The following MGAT5 variants were observed in gnomAD, a reference collection of about 807,000 sequenced individuals.
The protein encoded by MGAT5 is alpha-1,6-mannosylglycoprotein 6-beta-N-acetylglucosaminyltransferase.
A neutral mutation model predicts 94.3 loss-of-function variants in MGAT5; 30 were observed. That is an observed-to-expected ratio of 0.32 (90% CI 0.24 to 0.43). The LOEUF (loss-of-function observed/expected upper bound fraction) is 0.43, where lower values mean the gene tolerates loss of function less well. Among genes scored for constraint, MGAT5 ranks in the 20% least tolerant of loss-of-function variants. MGAT5 has a pLI of 1.00. For missense variants in MGAT5, 691 were observed against 905.5 expected (o/e 0.76, Z 3.04); for synonymous variants, 310 against 322.9 (o/e 0.96, Z 0.43).
At chr2:134,148,759 GTTT>G (rs748584511) in intron 1 of MGAT5, among the ~76,000 whole-genome samples, 1 of 118,714 alleles carries the variant, frequency 8.4e-6, no homozygotes, top group Non-Finnish European at 1.7e-5. Context: ...TCTTTCTTAG[GTTT>G]TTTTTTTTTT....
chr2:134,221,795 C>T (rs1000181344), intron 1 of MGAT5, among the ~76,000 whole-genome samples: 8 of 151,990 alleles, frequency 5.3e-5, no homozygotes, highest in South Asian at 2.1e-4. Context: ...AAGGTGGGCA[C>T]GTAAGATTGT....
chr2:134,245,473 T>C (rs1214212762), intron 1 of MGAT5, among the ~76,000 whole-genome samples: 1 of 152,242 alleles, frequency 6.6e-6, no homozygotes. Flanking sequence ...TCTTTCCCTT[T>C]TGTCCACCTG....
At chr2:134,280,496 A>G (rs1220748366) in intron 2 of MGAT5, among the ~76,000 whole-genome samples, 1 of 152,162 alleles carries the variant, frequency 6.6e-6, no homozygotes, top group African/African-American at 2.4e-5. Context: ...GGACAGCTGC[A>G]CTCTTAGCTG....
chr2:134,387,768 C>G (rs1040752767), intron 10 of MGAT5, among the ~76,000 whole-genome samples: 14 of 152,032 alleles, frequency 9.2e-5, no homozygotes, highest in Non-Finnish European at 1.9e-4. Context: ...AAAAAAGACA[C>G]GAATATTGGG....
At chr2:134,315,607 T>C (rs1391392365) in intron 2 of MGAT5, among the ~76,000 whole-genome samples, 1 of 152,222 alleles carries the variant, frequency 6.6e-6, no homozygotes, top group Non-Finnish European at 1.5e-5. Flanking sequence ...CAAGTAAAAG[T>C]TGTGTGGAAT....
intron 1 of MGAT5, among the ~76,000 whole-genome samples, chr2:134,238,113 C>T (rs1009208733): frequency 1.3e-5 from 2 of 152,076 alleles, no homozygotes; most frequent in Non-Finnish European, 2.9e-5. Flanking sequence ...ACCTTCTAAG[C>T]GTGAAGCTCT....
At chr2:134,421,139 A>T (rs13024607) in intron 12 of MGAT5, among the ~76,000 whole-genome samples, 15,480 of 152,242 alleles carry the variant, frequency 0.1, 1,109 homozygotes, top group African/African-American at 0.19. Context: ...GGAGACTCTG[A>T]CATCCTCAGT....
chr2:134,129,974 A>G (rs1201643051), intron 1 of MGAT5, among the ~76,000 whole-genome samples: 1 of 152,052 alleles, frequency 6.6e-6, no homozygotes, highest in African/African-American at 2.4e-5. Context: ...GGGCTGCAGC[A>G]CTCACAGGCC....
chr2:134,376,608 G>A (rs1015822204), intron 10 of MGAT5, among the ~76,000 whole-genome samples: 5 of 152,146 alleles, frequency 3.3e-5, no homozygotes, highest in Non-Finnish European at 5.9e-5. Context: ...TCTAACCCCA[G>A]CATGCCTCCT....
chr2:134,321,940 A>C (rs1278492762), intron 4 of MGAT5, among the ~76,000 whole-genome samples: 6 of 152,158 alleles, frequency 3.9e-5, no homozygotes, highest in Non-Finnish European at 7.4e-5. Context: ...ATGTTATCAT[A>C]GCATTGTAAT....
chr2:134,132,391 T>G (rs1219646098), intron 1 of MGAT5, among the ~76,000 whole-genome samples: 1 of 152,244 alleles, frequency 6.6e-6, no homozygotes, highest in East Asian at 1.9e-4. Context: ...AGCTCACATA[T>G]GGAAGTAGGT....
Position 134,223,485 on chromosome 2 carries a change from G to C in MGAT5, c.-142-30777G>C, listed in dbSNP as rs77051811. Among the ~76,000 whole-genome samples, 469 of 152,128 alleles carry C rather than the reference G, an allele frequency of 3.1e-3. 1 individual carries two copies. Among genetic ancestry groups the C allele is most frequent in the African/African-American group, 0.011 (449 of 41,464 alleles). On this transcript the variant is annotated intron_variant, in intron 1 of 16. Coordinates refer to the MGAT5 transcript ENST00000409645. ...ATTTTGACAGTTATAAGAGTAATTT[G>C]TATGTTAGAACCGAAAAAGGAACCT...
intron 1 of MGAT5, among the ~76,000 whole-genome samples, chr2:134,122,463 C>T (rs1334611008): frequency 2.0e-5 from 3 of 152,158 alleles, no homozygotes; most frequent in Non-Finnish European, 4.4e-5. Context: ...GTTTTTTTCT[C>T]TTGCCCTCCT....
rs116071943 is a variant in MGAT5, at chr2:134,338,819, T to C, written c.807+399T>C. ...TTGGATAGCCAGTGAGTTTCATTGT[T>C]ACTCTGTCTGGTTGGTGCTTCTGCT... is the stretch of plus-strand genomic sequence containing the variant. On this transcript the variant is annotated intron_variant, in intron 6 of 15. Transcript: ENST00000281923. Among the ~76,000 whole-genome samples the C allele has an allele frequency of 3.6e-3, 544 of 152,266 alleles. 2 individuals carry two copies. The highest frequency in any genetic ancestry group is 0.012 in the African/African-American group (512 of 41,564).
At chr2:134,409,324 T>G (rs1683516407) in intron 11 of MGAT5, among the ~76,000 whole-genome samples, 1 of 152,210 alleles carries the variant, frequency 6.6e-6, no homozygotes, top group African/African-American at 2.4e-5. Context: ...TTTAGCAAGC[T>G]TGTTACCCGG....
At chr2:134,202,286 G>C (rs1033591266) in intron 1 of MGAT5, among the ~76,000 whole-genome samples, 15 of 152,344 alleles carry the variant, frequency 9.8e-5, no homozygotes, top group African/African-American at 3.6e-4. Flanking sequence ...TCAGGCCTCT[G>C]ATTAAATCAG....
upstream of MGAT5, among the ~76,000 whole-genome samples, chr2:134,250,287 G>A (rs543974810): frequency 4.5e-4 from 69 of 152,202 alleles, no homozygotes; most frequent in Non-Finnish European, 8.8e-4. Flanking sequence ...ACTCTGGTTG[G>A]CAACAAGGTC....
rs933206357 is a variant in MGAT5 at position 134,216,184 on chromosome 2, A to T, written c.-142-38078A>T. On this transcript the variant is annotated intron_variant, in intron 1 of 16. Coordinates refer to the MGAT5 transcript ENST00000409645. The stretch of plus-strand genomic sequence containing the variant: ...GGTTTGTTGCAGTGAGATCAGCAGA[A>T]ATAAGGAACCAAGTCCAAATGAGGC... Among the ~76,000 whole-genome samples, 4 of 152,210 alleles carry T rather than the reference A, an allele frequency of 2.6e-5. No homozygotes were observed. In the South Asian group the frequency reaches 8.3e-4, roughly 32 times the overall value.
At chr2:134,354,566 A>C (rs1006352531) in intron 9 of MGAT5, among the ~76,000 whole-genome samples, 1 of 152,062 alleles carries the variant, frequency 6.6e-6, no homozygotes, top group Non-Finnish European at 1.5e-5. Flanking sequence ...TCGTTTCCTA[A>C]GTTGGTGGGG....
Sources: gnomAD v4.1 joint callset for allele counts (sites outside exome capture counted in the v4.1 genomes callset) on GRCh38, gnomAD v4.1.1 for gene constraint, MANE v1.5 for transcripts, NCBI Gene and HGNC (gene_info 2026-07-23, HGNC 2026-07-21) for gene names.